RIT2: variants seen among roughly 807,000 people sequenced by gnomAD.
RIT2 encodes Ras like without CAAX 2, also known as GTP-binding protein Rit2.
RIT2 carries 24 observed loss-of-function variants against 23.7 expected under a neutral mutation model. The ratio of observed to expected loss-of-function variants is 1.01; its 90% confidence interval spans 0.73 to 1.43. RIT2 has a LOEUF of 1.43. RIT2 is among the 40% of genes most tolerant of loss of function. The pLI is 0.00. For synonymous variants in RIT2, 107 were observed against 91.1 expected, an observed-to-expected ratio of 1.17 and a Z score of -0.99; for missense variants, 236 against 266.9, an observed-to-expected ratio of 0.88 and a Z score of 0.81.
intron 3 of RIT2, among the ~76,000 whole-genome samples, chr18:42,961,044 G>C (rs1910084216): frequency 6.6e-6 from 1 of 152,014 alleles, no homozygotes; most frequent in Non-Finnish European, 1.5e-5. Flanking sequence ...TTAAGGATGT[G>C]GTGGCACATT....
intron 4 of RIT2, among the ~76,000 whole-genome samples, chr18:42,882,420 C>T (rs145711471): frequency 3.7e-4 from 57 of 152,272 alleles, no homozygotes; most frequent in Non-Finnish European, 7.5e-4. Context: ...TCAGTGATGA[C>T]TAATTATTTA....
chr18:43,069,069 G>T (rs575626530), intron 1 of RIT2, among the ~76,000 whole-genome samples: 1 of 152,246 alleles, frequency 6.6e-6, no homozygotes, highest in South Asian at 2.1e-4. Context: ...CTGATATCCC[G>T]AAATCTTGAG....
chr18:43,072,902 G>T (rs2144337511), intron 1 of RIT2, among the ~76,000 whole-genome samples: 1 of 152,210 alleles, frequency 6.6e-6, no homozygotes, highest in South Asian at 2.1e-4. Flanking sequence ...TGCTGTGGGA[G>T]AAAGGAGAAT....
intron 3 of RIT2, among the ~76,000 whole-genome samples, chr18:42,966,702 C>T (rs1910232272): frequency 6.6e-6 from 1 of 151,980 alleles, no homozygotes; most frequent in African/African-American, 2.4e-5. Flanking sequence ...TGTAAGTTCT[C>T]CAAGGTCAGG....
intron 2 of RIT2, among the ~76,000 whole-genome samples, chr18:42,998,090 T>C (rs144238805): frequency 6.6e-6 from 1 of 152,276 alleles, no homozygotes; most frequent in East Asian, 1.9e-4. Context: ...ATTTGTCCTA[T>C]CTTCTAAACA....
chr18:43,105,322 T>C (rs1598786596), intron 1 of RIT2, among the ~76,000 whole-genome samples: 1 of 152,190 alleles, frequency 6.6e-6, no homozygotes, highest in East Asian at 1.9e-4. Context: ...GCATATACAA[T>C]GGCAGTTTTA....
At chr18:42,956,639 G>A (rs1284577230) in intron 3 of RIT2, among the ~76,000 whole-genome samples, 1 of 152,080 alleles carries the variant, frequency 6.6e-6, no homozygotes, top group African/African-American at 2.4e-5. Context: ...ATTTTAAGGA[G>A]CAGTACCATC....
chr18:42,838,245 GTTC>G (rs1312866592), intron 4 of RIT2, among the ~76,000 whole-genome samples: 1 of 151,996 alleles, frequency 6.6e-6, no homozygotes, highest in African/African-American at 2.4e-5. Context: ...TTTATGTGAA[GTTC>G]TTCTCCGCAA....
intron 3 of RIT2, among the ~76,000 whole-genome samples, chr18:42,940,790 G>C (rs1204558377): frequency 6.6e-6 from 1 of 152,104 alleles, no homozygotes; most frequent in East Asian, 1.9e-4. Context: ...TAGTGAATAG[G>C]GAGATGAGAA....
chr18:43,059,630 A>G (rs561607716), intron 1 of RIT2, among the ~76,000 whole-genome samples: 6 of 152,258 alleles, frequency 3.9e-5, no homozygotes, highest in African/African-American at 1.4e-4. Context: ...CACTGATGAA[A>G]TATCTCCTTT....
intron 4 of RIT2, among the ~76,000 whole-genome samples, chr18:42,871,789 C>T (rs1166846574): frequency 6.6e-6 from 1 of 152,186 alleles, no homozygotes; most frequent in African/African-American, 2.4e-5. Context: ...CAAAATTTAT[C>T]ATGTTACCTT....
intron 2 of RIT2, among the ~76,000 whole-genome samples, chr18:43,024,537 T>C (rs1568059075): frequency 1.3e-5 from 2 of 151,854 alleles, no homozygotes; most frequent in South Asian, 2.1e-4. Context: ...CAAAAACAAA[T>C]GCAACAAAAA....
intron 1 of RIT2, among the ~76,000 whole-genome samples, chr18:43,044,146 AG>A (rs1281535822): frequency 6.6e-6 from 1 of 152,170 alleles, no homozygotes; most frequent in African/African-American, 2.4e-5. Context: ...ATAGTAAAAT[AG>A]GGTCCTTGTG....
chr18:42,835,012 T>C (rs1376387239), intron 4 of RIT2, among the ~76,000 whole-genome samples: 1 of 152,110 alleles, frequency 6.6e-6, no homozygotes, highest in Non-Finnish European at 1.5e-5. Context: ...ACATTACCCT[T>C]TGACATAAGG....
chr18:42,883,030 G>A (rs148882323), intron 4 of RIT2, among the ~76,000 whole-genome samples: 2,962 of 152,142 alleles, frequency 0.019, 45 homozygotes, highest in Middle Eastern at 0.075. Flanking sequence ...ATTTCTCACT[G>A]TATATCTAAA....
intron 1 of RIT2, among the ~76,000 whole-genome samples, chr18:43,071,381 C>CG (rs1221263869): frequency 6.6e-6 from 1 of 151,960 alleles, no homozygotes; most frequent in Non-Finnish European, 1.5e-5. Flanking sequence ...GTTGGGGTGG[C>CG]GGGGGGCGAG....
At chr18:42,818,983 T>G (rs1340141174) in intron 4 of RIT2, among the ~76,000 whole-genome samples, 1 of 152,076 alleles carries the variant, frequency 6.6e-6, no homozygotes, top group Admixed American at 6.6e-5. Flanking sequence ...CTAAATGTTA[T>G]AAACATATTG....
At chr18:42,932,873 C>T (rs922076176) in intron 3 of RIT2, among the ~76,000 whole-genome samples, 10 of 151,766 alleles carry the variant, frequency 6.6e-5, no homozygotes, top group African/African-American at 2.2e-4. Flanking sequence ...TAACCCATAT[C>T]TAACAAACCC....
At chr18:42,781,010 C>G (rs1913799850) in intron 4 of RIT2, among the ~76,000 whole-genome samples, 1 of 151,962 alleles carries the variant, frequency 6.6e-6, no homozygotes, top group Non-Finnish European at 1.5e-5. Context: ...TAATCATTTC[C>G]TTTGTGGTTG....
Sources: allele counts gnomAD v4.1 joint callset (sites outside exome capture counted in the v4.1 genomes callset), GRCh38; gene constraint gnomAD v4.1.1; transcripts MANE v1.5; gene names NCBI Gene and HGNC (gene_info 2026-07-23, HGNC 2026-07-21).